The following ARHGAP6 variants were observed in gnomAD, a reference collection of about 807,000 sequenced individuals.
The protein encoded by ARHGAP6 is Rho GTPase activating protein 6, also known as rho GTPase-activating protein 6.
ARHGAP6 carries 16 observed loss-of-function variants against 55.7 expected under a neutral mutation model. The observed-to-expected ratio is 0.29, with a 90% CI of 0.19 to 0.44. The LOEUF is 0.44. Among genes scored for constraint, ARHGAP6 ranks in the 20% least tolerant of loss-of-function variants. The pLI is 1.00. For synonymous variants in ARHGAP6, 382 were observed against 360.9 expected, an observed-to-expected ratio of 1.06 and a Z score of -0.66; for missense variants, 698 against 808.9, an observed-to-expected ratio of 0.86 and a Z score of 1.66.
intron 1 of ARHGAP6, among the ~76,000 whole-genome samples, chrX:11,556,879 C>T (rs922354350): frequency 8.9e-6 from 1 of 111,769 alleles, no homozygotes; most frequent in Non-Finnish European, 1.9e-5. Context: ...TTTCCAAGGA[C>T]AGAGACTATG....
chrX:11,260,506 A>G (rs1262448049), intron 1 of ARHGAP6, among the ~76,000 whole-genome samples: 2 of 111,647 alleles, frequency 1.8e-5, no homozygotes, highest in Non-Finnish European at 3.8e-5. Context: ...GGAATTCTGA[A>G]ATCACTTTTC....
chrX:11,274,492 C>T (rs892710972), intron 1 of ARHGAP6, among the ~76,000 whole-genome samples: 9 of 111,468 alleles, frequency 8.1e-5, no homozygotes, highest in East Asian at 2.8e-4. Flanking sequence ...AAAAGTTTGC[C>T]GACCCCAGAT....
chrX:11,302,018 A>C (rs980624768), intron 1 of ARHGAP6, among the ~76,000 whole-genome samples: 1 of 112,454 alleles, frequency 8.9e-6, no homozygotes, highest in Non-Finnish European at 1.9e-5. Flanking sequence ...ATACAGAGGA[A>C]TGTTTCAAAC....
intron 1 of ARHGAP6, among the ~76,000 whole-genome samples, chrX:11,381,453 G>A (rs1019694586): frequency 1.3e-4 from 15 of 112,059 alleles, no homozygotes; most frequent in Non-Finnish European, 2.6e-4. Flanking sequence ...TGCTTTGTCA[G>A]TTTGTCAAAT....
rs938930646 is a variant in ARHGAP6, at chrX:11,273,133, T to A, written c.589-18426A>T. ...CCCCTCCCCAAACCTCACCCTTTTT[T>A]TTTGGTAAATAAAGCAAATAGCGGG... On this transcript the variant is annotated intron_variant, in intron 1 of 12. Coordinates refer to ENST00000337414, the MANE Select transcript of ARHGAP6 (RefSeq NM_013427.3). Among the ~76,000 whole-genome samples the A allele has an allele frequency of 5.4e-5, 6 of 110,786 alleles. No homozygotes were observed. In the East Asian group the frequency reaches 1.4e-3, roughly 26 times the overall value.
chrX:11,253,138 T>C (rs922332883), intron 2 of ARHGAP6, among the ~76,000 whole-genome samples: 1 of 110,903 alleles, frequency 9.0e-6, no homozygotes, highest in African/African-American at 3.3e-5. Context: ...CTATTTATTA[T>C]AGGGTGTTGG....
chrX:11,412,884 C>T (rs2049703915), intron 1 of ARHGAP6, among the ~76,000 whole-genome samples: 1 of 112,488 alleles, frequency 8.9e-6, no homozygotes, highest in Non-Finnish European at 1.9e-5. Flanking sequence ...CAGCAGACCA[C>T]ATCTGTGAAG....
chrX:11,621,224 G>A (rs186526279), intron 1 of ARHGAP6, among the ~76,000 whole-genome samples: 2 of 112,087 alleles, frequency 1.8e-5, no homozygotes, highest in East Asian at 5.6e-4. Flanking sequence ...CTCAAAATTA[G>A]CCTGTGAATC....
chrX:11,571,709 AAATAATAAT>A (rs565943916), intron 1 of ARHGAP6, among the ~76,000 whole-genome samples: 3 of 95,784 alleles, frequency 3.1e-5, no homozygotes, highest in East Asian at 3.1e-4. Context: ...CTTGTATATT[AAATAATAAT>A]AATAATAATA....
At chrX:11,435,637 TGTAGTG>T (rs762107619) in intron 1 of ARHGAP6, among the ~76,000 whole-genome samples, 3 of 112,158 alleles carry the variant, frequency 2.7e-5, no homozygotes, top group East Asian at 5.6e-4. Context: ...AAGCCACTGA[TGTAGTG>T]GTAGTATGAT....
chrX:11,614,384 A>C (rs1013186310), intron 1 of ARHGAP6, among the ~76,000 whole-genome samples: 5 of 111,875 alleles, frequency 4.5e-5, no homozygotes, highest in Non-Finnish European at 9.4e-5. Flanking sequence ...GGCCTCAGGA[A>C]ACTTACCATT....
At chrX:11,409,952 T>C (rs5935057) in intron 1 of ARHGAP6, among the ~76,000 whole-genome samples, 8,596 of 111,245 alleles carry the variant, frequency 0.077, 338 homozygotes, top group African/African-American at 0.15. Flanking sequence ...TAAACATTAC[T>C]ACTAATAATA....
intron 1 of ARHGAP6, among the ~76,000 whole-genome samples, chrX:11,416,493 T>C (rs1295697948): frequency 2.7e-5 from 3 of 111,232 alleles, no homozygotes; most frequent in Non-Finnish European, 5.7e-5. Flanking sequence ...ACCAAATAAA[T>C]GCAGGAAGTC....
At chrX:11,298,709 C>G (rs200842202) in intron 1 of ARHGAP6, 1 of 1,211,045 alleles carries the variant, frequency 8.3e-7, no homozygotes, top group Admixed American at 2.2e-5. Context: ...CAATGATGCC[C>G]GTTCCTGGCC....
intron 2 of ARHGAP6, among the ~76,000 whole-genome samples, chrX:11,251,899 G>A (rs949302253): frequency 1.8e-5 from 2 of 111,808 alleles, no homozygotes; most frequent in Non-Finnish European, 3.8e-5. Flanking sequence ...ACCCTCATGC[G>A]ATGCCTGTTT....
intron 1 of ARHGAP6, among the ~76,000 whole-genome samples, chrX:11,600,505 G>A (rs377669632): frequency 3.6e-5 from 4 of 112,343 alleles, no homozygotes; most frequent in Middle Eastern, 4.6e-3. Context: ...CCTGCCTGCC[G>A]GGAACACCTG....
At chrX:11,457,801 T>A (rs780161761) in intron 1 of ARHGAP6, among the ~76,000 whole-genome samples, 1 of 111,815 alleles carries the variant, frequency 8.9e-6, no homozygotes, top group South Asian at 3.8e-4. Context: ...CTGAATTGTG[T>A]TCTACACAGG....
chrX:11,399,699 A>G (rs2049524280), intron 1 of ARHGAP6, among the ~76,000 whole-genome samples: 1 of 112,264 alleles, frequency 8.9e-6, no homozygotes, highest in African/African-American at 3.2e-5. Flanking sequence ...TAGAGCTACT[A>G]TGTGACCCAG....
chrX:11,325,245 TAATA>T (rs2048484392), intron 1 of ARHGAP6, among the ~76,000 whole-genome samples: 1 of 112,259 alleles, frequency 8.9e-6, no homozygotes, highest in Non-Finnish European at 1.9e-5. Context: ...TGTTTAATGA[TAATA>T]AATCTAGAGA....
Sources: allele counts gnomAD v4.1 joint callset (sites outside exome capture counted in the v4.1 genomes callset), GRCh38; gene constraint gnomAD v4.1.1; transcripts MANE v1.5; gene names NCBI Gene and HGNC (gene_info 2026-07-23, HGNC 2026-07-21).